Variants in CEP85L observed in about 807,000 individuals in gnomAD.
CEP85L encodes centrosomal protein 85L.
CEP85L carries 60 observed loss-of-function variants against 100.3 expected under a neutral mutation model. The observed-to-expected ratio is 0.60, with a 90% CI of 0.49 to 0.74. The LOEUF (loss-of-function observed/expected upper bound fraction) is 0.74, where lower values mean the gene tolerates loss of function less well. Ranked by LOEUF, CEP85L falls within the 30% of genes least tolerant of loss-of-function variation. The probability of loss-of-function intolerance (pLI) is 0.00; values close to 1 mark genes in which losing one functional copy is unlikely to be tolerated. For missense variants in CEP85L, 973 were observed against 936.2 expected, an observed-to-expected ratio of 1.04 and a Z score of -0.51; for synonymous variants, 319 against 322.7, an observed-to-expected ratio of 0.99 and a Z score of 0.12.
At chr6:118,681,814 A>G (rs1428555451) in intron 1 of CEP85L, among the ~76,000 whole-genome samples, 1 of 150,020 alleles carries the variant, frequency 6.7e-6, no homozygotes, top group Non-Finnish European at 1.5e-5. Flanking sequence ...CAGTGGCACA[A>G]TCTGCAACCT....
chr6:118,542,033 A>G (rs372692342), intron 3 of CEP85L, among the ~76,000 whole-genome samples: 19 of 152,326 alleles, frequency 1.2e-4, no homozygotes, highest in African/African-American at 4.6e-4. Context: ...ACCAAGAGAA[A>G]AAAGAGAATT....
At chr6:118,676,025 T>G (rs944491674) in intron 1 of CEP85L, among the ~76,000 whole-genome samples, 1 of 152,198 alleles carries the variant, frequency 6.6e-6, no homozygotes, top group Admixed American at 6.5e-5. Context: ...AGAGTTGTTT[T>G]TTGATTGTAT....
chr6:118,517,359 T>C (rs1776342314), intron 4 of CEP85L, among the ~76,000 whole-genome samples: 1 of 152,224 alleles, frequency 6.6e-6, no homozygotes, highest in Non-Finnish European at 1.5e-5. Flanking sequence ...ACAATATTGA[T>C]TATCCCTATC....
At position 118,516,751 on chromosome 6, in the gene CEP85L, T is replaced by C. The variant is rs147979365; in HGVS notation, c.1140-5336A>G. On this transcript the variant is annotated intron_variant, in intron 4 of 12. Transcript: ENST00000368491. The stretch of plus-strand genomic sequence containing the variant: ...GCTGTGCAGAAGCTCTTTAGTTTAA[T>C]TAGATCCCACTTGTCAATTTTGGCT... 8.6e-3 allele frequency among the ~76,000 whole-genome samples: 1,316 copies of C among 152,336 alleles called. 12 individuals carry two copies. Among genetic ancestry groups the C allele is most frequent in the Non-Finnish European group, 0.015 (988 of 68,020 alleles).
intron 2 of CEP85L, chr6:118,589,084 C>T (rs1022419171): frequency 5.1e-5 from 16 of 314,474 alleles, no homozygotes; most frequent in African/African-American, 3.1e-4. Context: ...ACGGAGACAG[C>T]ACCTTTGCAA....
chr6:118,486,990 A>G (rs1477224548), intron 6 of CEP85L, among the ~76,000 whole-genome samples: 1 of 152,096 alleles, frequency 6.6e-6, no homozygotes, highest in East Asian at 1.9e-4. Context: ...TTCAAATACA[A>G]TCCCCCTGCC....
chr6:118,554,554 G>C lies in CEP85L; in HGVS notation c.1020+10975C>G, dbSNP rs9688495. ...ATACCAATTATGCACTAAGTACTAG[G>C]ATACTAAATAAACACACAGTTTCTT... On this transcript the variant is annotated intron_variant, in intron 3 of 12. Coordinates refer to ENST00000368491, the MANE Select transcript of CEP85L (RefSeq NM_001042475.3). Among the ~76,000 whole-genome samples the C allele has an allele frequency of 3.9e-5, 6 of 152,068 alleles. 1 individual carries two copies. The highest frequency in any genetic ancestry group is 1.4e-4 in the African/African-American group (6 of 41,396).
At chr6:118,490,785 C>T (rs1774503571) in intron 6 of CEP85L, among the ~76,000 whole-genome samples, 2 of 152,038 alleles carry the variant, frequency 1.3e-5, no homozygotes. Context: ...ATACATGTAG[C>T]TATAAAAATA....
intron 2 of CEP85L, among the ~76,000 whole-genome samples, chr6:118,570,957 A>C (rs35029749): frequency 0.35 from 52,642 of 151,924 alleles, 10,286 homozygotes; most frequent in Non-Finnish European, 0.46. Flanking sequence ...AAATGAAAAA[A>C]GAATTATTTG....
intron 1 of CEP85L, among the ~76,000 whole-genome samples, chr6:118,666,353 A>G (rs2115416707): frequency 6.6e-6 from 1 of 152,354 alleles, no homozygotes; most frequent in East Asian, 1.9e-4. Flanking sequence ...ACACAAGATG[A>G]AAAAACAAGT....
At chr6:118,601,651 T>A (rs1361864136) in intron 2 of CEP85L, among the ~76,000 whole-genome samples, 1 of 152,218 alleles carries the variant, frequency 6.6e-6, no homozygotes, top group Non-Finnish European at 1.5e-5. Context: ...TGTAGTCCTA[T>A]GGGCTGCTGG....
At chr6:118,490,625 G>A (rs1774492400) in intron 6 of CEP85L, among the ~76,000 whole-genome samples, 1 of 152,026 alleles carries the variant, frequency 6.6e-6, no homozygotes, top group Admixed American at 6.6e-5. Context: ...GACACACATA[G>A]ACAAAAAATC....
chr6:118,698,839 G>A (rs1777302377), intron 1 of CEP85L, among the ~76,000 whole-genome samples: 1 of 151,320 alleles, frequency 6.6e-6, no homozygotes, highest in Admixed American at 6.6e-5. Flanking sequence ...AAGTATAACA[G>A]AATATTTTTT....
chr6:118,463,070 T>C lies in CEP85L; in HGVS notation c.*2335A>G, dbSNP rs545027022. 3.2e-4 allele frequency: 49 copies of C among 152,122 alleles called. No individual in the cohort carries two copies. Among genetic ancestry groups the C allele is most frequent in the Middle Eastern group, 3.4e-3 (1 of 294 alleles). The allele number at this position is 152,122 out of a possible 1,614,324, so 9.4% of individuals were successfully genotyped here. On this transcript the variant is annotated 3_prime_UTR_variant, in exon 13 of 13. Coordinates refer to ENST00000368491, the MANE Select transcript of CEP85L (RefSeq NM_001042475.3). ...CTGAAATGCATCAGCAGTAGTTTTG[T>C]TAACTTCCTACTAAGTCAGAAATTT...
At chr6:118,649,386 C>G (rs1325450337) in intron 1 of CEP85L, among the ~76,000 whole-genome samples, 1 of 152,154 alleles carries the variant, frequency 6.6e-6, no homozygotes, top group African/African-American at 2.4e-5. Context: ...TATGCCATAG[C>G]AAATGTCTCT....
At chr6:118,557,856 G>A (rs1778969134) in intron 3 of CEP85L, among the ~76,000 whole-genome samples, 1 of 152,096 alleles carries the variant, frequency 6.6e-6, no homozygotes, top group South Asian at 2.1e-4. Flanking sequence ...GGAGCTGGAT[G>A]TGCTCCTGAC....
At chr6:118,538,112 G>T in intron 3 of CEP85L, 1 of 241,722 alleles carries the variant, frequency 4.1e-6, no homozygotes, top group Non-Finnish European at 6.7e-6. Flanking sequence ...CTAAGCCCAT[G>T]TAATTATTTA....
chr6:118,682,600 T>C (rs1156531541), intron 1 of CEP85L, among the ~76,000 whole-genome samples: 1 of 152,126 alleles, frequency 6.6e-6, no homozygotes, highest in Admixed American at 6.6e-5. Context: ...AGTGGCTTGT[T>C]ACCCAAAGAG....
chr6:118,537,859 G>C lies in CEP85L; in HGVS notation c.1021-13939C>G, dbSNP rs570486367. ...TTATTCATCACTCACAACATGTCAC[G>C]TAACACAGTAAATCTTCCTCTGTTT... On this transcript the variant is annotated intron_variant, in intron 3 of 12. Transcript: ENST00000368491. 8 of 985,026 alleles carry C rather than the reference G, an allele frequency of 8.1e-6. No individual in the cohort carries two copies. In the East Asian group the frequency reaches 6.8e-4, roughly 84 times the overall value. 61.0% of individuals were successfully genotyped at this position (985,026 alleles called of 1,614,324 possible).
Sources: gnomAD v4.1 joint callset for allele counts (sites outside exome capture counted in the v4.1 genomes callset) on GRCh38, gnomAD v4.1.1 for gene constraint, MANE v1.5 for transcripts, NCBI Gene and HGNC (gene_info 2026-07-23, HGNC 2026-07-21) for gene names.